The following COL4A5 variants were observed in gnomAD, a reference collection of about 807,000 sequenced individuals.
COL4A5 encodes collagen type IV alpha 5 chain.
Under a neutral mutation model 130.2 loss-of-function variants are expected in COL4A5, and 26 were observed. That is an observed-to-expected ratio of 0.20 (90% CI 0.15 to 0.28). The LOEUF (loss-of-function observed/expected upper bound fraction) is 0.28. COL4A5 is among the 10% of genes least tolerant of loss of function. The pLI is 1.00. For missense variants in COL4A5, 1,131 were observed against 1,344.3 expected (o/e 0.84, Z 2.48); for synonymous variants, 496 against 439.6 (o/e 1.13, Z -1.60).
At chrX:108,566,828 G>A (rs751478930) in intron 4 of COL4A5, among the ~76,000 whole-genome samples, 1 of 111,120 alleles carries the variant, frequency 9.0e-6, no homozygotes, top group South Asian at 3.8e-4. Flanking sequence ...GGTTTTTATT[G>A]CTACTCGATT....
chrX:108,640,911 A>G (rs1487876247), intron 36 of COL4A5, among the ~76,000 whole-genome samples: 1 of 111,950 alleles, frequency 8.9e-6, no homozygotes, highest in Non-Finnish European at 1.9e-5. Context: ...GAAAAAATGA[A>G]CAAAGGAATT....
At chrX:108,463,332 A>G (rs1239637240) in intron 1 of COL4A5, among the ~76,000 whole-genome samples, 1 of 111,705 alleles carries the variant, frequency 9.0e-6, no homozygotes, top group Non-Finnish European at 1.9e-5. Flanking sequence ...TCAAATTTCT[A>G]TTAGTTTATG....
At chrX:108,445,290 T>C (rs777201828) in intron 1 of COL4A5, among the ~76,000 whole-genome samples, 1 of 111,743 alleles carries the variant, frequency 8.9e-6, no homozygotes, top group Non-Finnish European at 1.9e-5. Context: ...CCGTGAGCAC[T>C]GCATACACAT....
In COL4A5 at chrX:108,575,899, C is replaced by A. The variant is rs1287996085; in HGVS notation, c.547-11C>A. On this transcript the variant is annotated splice_polypyrimidine_tract_variant and intron_variant, in intron 9 of 52. Transcript: ENST00000328300. ...TTTTTTTCATCATTTTCTTTACTCA[C>A]TTTATAACAGGGCCTACCTGGTCCC... 8.7e-7 allele frequency: 1 copy of A among 1,154,067 alleles called. No homozygotes were observed.
chrX:108,516,085 C>T (rs1328479564), intron 1 of COL4A5, among the ~76,000 whole-genome samples: 1 of 111,870 alleles, frequency 8.9e-6, no homozygotes, highest in East Asian at 2.8e-4. Context: ...TTGTGAGTTC[C>T]AGATGCTTTG....
chrX:108,673,386 G>A (rs2068242640), intron 42 of COL4A5, among the ~76,000 whole-genome samples: 2 of 111,711 alleles, frequency 1.8e-5, no homozygotes, highest in South Asian at 7.4e-4. Context: ...CTAACATTTG[G>A]TGCTTATAAA....
chrX:108,510,399 T>C (rs2065169076), intron 1 of COL4A5, among the ~76,000 whole-genome samples: 1 of 111,676 alleles, frequency 9.0e-6, no homozygotes, highest in African/African-American at 3.2e-5. Flanking sequence ...ATACTTGCAA[T>C]TCAAATGCAG....
chrX:108,458,002 C>T (rs1268070476), intron 1 of COL4A5, among the ~76,000 whole-genome samples: 5 of 111,705 alleles, frequency 4.5e-5, no homozygotes, highest in Admixed American at 9.5e-5. Context: ...ACATGCCATG[C>T]GGATATGCTC....
At position 108,668,315 on chromosome X, in the gene COL4A5, A is replaced by G. The variant is rs1448725381; in HGVS notation, c.3605-4A>G. ...TATCTTCTAATTATACTTTACTTTC[A>G]TAGGCCAAAAGGGTGATGGAGGATT... On this transcript the variant is annotated splice_polypyrimidine_tract_variant and splice_region_variant and intron_variant, in intron 40 of 52. Transcript: ENST00000328300. The G allele has an allele frequency of 2.5e-6, 3 of 1,208,598 alleles. No individual in the cohort carries two copies. The highest frequency in any genetic ancestry group is 1.7e-5 in the African/African-American group (1 of 57,744).
intron 1 of COL4A5, among the ~76,000 whole-genome samples, chrX:108,453,189 G>T (rs2064545295): frequency 1.8e-5 from 2 of 111,478 alleles, no homozygotes; most frequent in East Asian, 2.8e-4. Flanking sequence ...CTTGATCATG[G>T]TGGATAAGCT....
intron 44 of COL4A5, among the ~76,000 whole-genome samples, chrX:108,678,896 T>C (rs1348324730): frequency 1.8e-5 from 2 of 112,194 alleles, no homozygotes; most frequent in Admixed American, 9.5e-5. Flanking sequence ...TAGCCTTCTT[T>C]AATCTGAAAC....
chrX:108,546,499 C>T (rs1440303027), intron 2 of COL4A5, among the ~76,000 whole-genome samples: 1 of 111,955 alleles, frequency 8.9e-6, no homozygotes, highest in Non-Finnish European at 1.9e-5. Context: ...GATGGGCTTC[C>T]CTTTGTGGGT....
chrX:108,543,467 A>C (rs2065584616), intron 2 of COL4A5, among the ~76,000 whole-genome samples: 1 of 111,200 alleles, frequency 9.0e-6, no homozygotes, highest in Admixed American at 9.6e-5. Context: ...ATTTGTCTAT[A>C]TCTCTGTTTT....
chrX:108,674,580 A>G (rs1021252511), intron 42 of COL4A5, 165 bp from the exon 43 acceptor site: 45 of 515,393 alleles, frequency 8.7e-5, no homozygotes, highest in Admixed American at 7.4e-4. Flanking sequence ...TTCTGTTTGC[A>G]TACTGATTAT....
At chrX:108,510,103 G>T (rs1000419788) in intron 1 of COL4A5, among the ~76,000 whole-genome samples, 9 of 111,748 alleles carry the variant, frequency 8.1e-5, no homozygotes, top group Non-Finnish European at 1.1e-4. Flanking sequence ...GGAGCTAAAT[G>T]ATGAGAACTC....
chrX:108,575,666 G>A (rs112073453), intron 9 of COL4A5, among the ~76,000 whole-genome samples: 136 of 111,399 alleles, frequency 1.2e-3, no homozygotes, highest in African/African-American at 3.9e-3. Context: ...GTGAAACCCC[G>A]TCTCTACTAA....
rs148392039 is a variant in COL4A5, at chrX:108,510,882, A to T, written c.82-28864A>T. 8.5e-3 allele frequency among the ~76,000 whole-genome samples: 943 copies of T among 111,287 alleles called. 6 individuals carry two copies. Among genetic ancestry groups the T allele is most frequent in the Non-Finnish European group, 0.014 (743 of 52,856 alleles). On this transcript the variant is annotated intron_variant, in intron 1 of 52. Transcript: ENST00000328300. ...TAATTGACAATAATTGCACATATTCATGGGGTGCATAGTGATGTTTCAAAA... is the reference window on the plus strand; with the variant it reads ...TAATTGACAATAATTGCACATATTCTTGGGGTGCATAGTGATGTTTCAAAA...
intron 1 of COL4A5, among the ~76,000 whole-genome samples, chrX:108,502,538 G>A (rs774910022): frequency 3.6e-5 from 4 of 111,503 alleles, no homozygotes; most frequent in Non-Finnish European, 7.5e-5. Context: ...GCCTGCCTCG[G>A]CCTCCCAAAG....
At chrX:108,557,614 T>C (rs996093001) in intron 2 of COL4A5, among the ~76,000 whole-genome samples, 1 of 110,058 alleles carries the variant, frequency 9.1e-6, no homozygotes, top group Non-Finnish European at 1.9e-5. Flanking sequence ...CATCTAAGCT[T>C]TTTAGACTAA....
Sources: allele counts gnomAD v4.1 joint callset (sites outside exome capture counted in the v4.1 genomes callset), GRCh38; gene constraint gnomAD v4.1.1; transcripts MANE v1.5; gene names NCBI Gene and HGNC (gene_info 2026-07-23, HGNC 2026-07-21).